CROCC: variants seen among roughly 807,000 people sequenced by gnomAD.
The protein encoded by CROCC is ciliary rootlet coiled-coil, rootletin.
Under a neutral mutation model 245.2 loss-of-function variants are expected in CROCC, and 180 were observed. The observed-to-expected ratio is 0.73, with a 90% CI of 0.65 to 0.83. The LOEUF (loss-of-function observed/expected upper bound fraction) is 0.83. Ranked by LOEUF, CROCC falls within the 40% of genes least tolerant of loss-of-function variation. The pLI is 0.00. For missense variants in CROCC, 2,688 were observed against 2,779.4 expected (o/e 0.97, Z 0.74); for synonymous variants, 1,205 against 1,241.6 (o/e 0.97, Z 0.62).
At chr1:16,934,593 A>G (rs1285211129) in intron 8 of CROCC, among the ~76,000 whole-genome samples, 5 of 152,268 alleles carry the variant, frequency 3.3e-5, no homozygotes, top group Admixed American at 3.3e-4. Flanking sequence ...ATGGCCCACC[A>G]TGCCTGGCCT....
In CROCC at chr1:16,968,423, G is replaced by T; in HGVS notation, c.5076+5G>T. On this transcript the variant is annotated splice_donor_5th_base_variant and intron_variant, in intron 31 of 36. Transcript: ENST00000375541. The stretch of plus-strand genomic sequence containing the variant: ...GTGGATTCCCTGCAGAGACAGGTGG[G>T]CCCCTCCCCAAATCACAGCCACAGT... 6.8e-7 allele frequency: 1 copy of T among 1,470,998 alleles called. No individual in the cohort carries two copies. The highest frequency in any genetic ancestry group is 9.0e-7 in the Non-Finnish European group (1 of 1,111,642). 91.1% of individuals were successfully genotyped at this position (1,470,998 alleles called of 1,614,324 possible).
At chr1:16,953,098 C>A in intron 20 of CROCC, 1 of 577,890 alleles carries the variant, frequency 1.7e-6, no homozygotes, top group Non-Finnish European at 3.1e-6. Flanking sequence ...GTTCGGACCC[C>A]CAGGCCAGCC....
intron 12 of CROCC, among the ~76,000 whole-genome samples, chr1:16,939,598 G>T (rs2075875941): frequency 6.6e-6 from 1 of 152,224 alleles, no homozygotes; most frequent in Non-Finnish European, 1.5e-5. Flanking sequence ...GGAGCCCTGG[G>T]GGTGGGATCA....
At chr1:16,918,763 G>A (rs1369210023), upstream of CROCC, among the ~76,000 whole-genome samples, 1 of 142,350 alleles carries the variant, frequency 7.0e-6, no homozygotes, top group African/African-American at 2.6e-5. Flanking sequence ...TTGAGACAGA[G>A]TCTCTCTCTG....
At chr1:16,931,269 C>G in intron 7 of CROCC, 22 bp from the exon 8 acceptor site, 1 of 1,597,688 alleles carries the variant, frequency 6.3e-7, no homozygotes. Flanking sequence ...CCAACCCTTC[C>G]CTCGGCATGT....
In CROCC at chr1:16,931,410, C is replaced by A. The variant is rs1444906975; in HGVS notation, c.956+13C>A. On this transcript the variant is annotated intron_variant, in intron 8 of 36. Coordinates refer to ENST00000375541, the MANE Select transcript of CROCC (RefSeq NM_014675.5). ...TGTTCACTGAGAGGTGAGGCCTGGC[C>A]GGGGACGGGGCAGCAGCTGAGAGCC... 24 of 1,604,228 alleles carry A rather than the reference C, an allele frequency of 1.5e-5. No homozygotes were observed. The highest frequency in any genetic ancestry group is 1.9e-5 in the Non-Finnish European group (22 of 1,172,480).
At chr1:16,940,210 G>T in intron 13 of CROCC, 117 bp downstream of exon 13, 1 of 1,109,496 alleles carries the variant, frequency 9.0e-7, no homozygotes. Flanking sequence ...AGCTGCATGT[G>T]CCTATTAACG....
intron 32 of CROCC, 104 bp from the exon 33 acceptor site, chr1:16,969,681 T>A (rs1215883647): frequency 6.8e-7 from 1 of 1,474,972 alleles, no homozygotes; most frequent in African/African-American, 1.4e-5. Flanking sequence ...CCAGGTGAGA[T>A]GACTGCCTGT....
rs1267484882 is a variant in CROCC at position 16,924,349 on chromosome 1, C to T, written c.221C>T (p.Ala74Val). 3.1e-6 allele frequency: 5 copies of T among 1,612,950 alleles called. No individual in the cohort carries two copies. Among genetic ancestry groups the T allele is most frequent in the Non-Finnish European group, 3.4e-6 (4 of 1,179,794 alleles). The change falls in exon 3 of 37, where the codon GCA (alanine) becomes GTA (valine). Residue 74 changes from alanine (A) to valine (V), a missense_variant. Ala to Val is a moderately conservative substitution (Grantham distance 64). Around this residue, in one of 9 missense-constraint regions of CROCC, gnomAD observed 972 missense variants for 895.3 expected, o/e 1.09. Transcript: ENST00000375541. ...SPVLLPATEM[A>V]SLLSLQEENQ... ...GTCCTGCTGCCGGCCACAGAGATGG[C>T]ATCGCTGCTGTCGCTGCAGGAGGAG...
chr1:16,924,231 C>T (rs1340220395), intron 2 of CROCC, 94 bp from the exon 3 acceptor site: 23 of 1,492,094 alleles, frequency 1.5e-5, no homozygotes, highest in Middle Eastern at 2.3e-4. Flanking sequence ...TGGACTCCTC[C>T]CAGGGGCCTG....
rs1263100553 is a variant in CROCC, at chr1:16,946,922, G to A, written c.2445G>A (p.Gln815=). The A allele has an allele frequency of 2.6e-6, 4 of 1,563,172 alleles. No homozygotes were observed. The highest frequency in any genetic ancestry group is 1.7e-4 in the Middle Eastern group (1 of 5,890). Residue 815 remains glutamine (Q), a synonymous_variant, in exon 17 of 37, where the codon CAG becomes CAA. Transcript: ENST00000375541. The part of the protein sequence containing the change: ...EGSLRVAEQA[Q]EALEQQLPTL... ...CCCTACGAGTGGCGGAGCAGGCCCAGGAGGCATTGGAGCAGCAGCTCCCCA... is the reference window on the plus strand; with the variant it reads ...CCCTACGAGTGGCGGAGCAGGCCCAAGAGGCATTGGAGCAGCAGCTCCCCA...
chr1:16,932,396 C>T (rs1386085950), intron 8 of CROCC, among the ~76,000 whole-genome samples: 5 of 152,234 alleles, frequency 3.3e-5, no homozygotes, highest in Admixed American at 1.3e-4. Flanking sequence ...GCCGAGATCT[C>T]GCCATTGTAC....
At chr1:16,947,837 TTTGTTG>T (rs1473146994) in intron 17 of CROCC, among the ~76,000 whole-genome samples, 2 of 152,212 alleles carry the variant, frequency 1.3e-5, no homozygotes, top group Non-Finnish European at 2.9e-5. Context: ...TTGTTTTGTT[TTTGTTG>T]TTGTTTTTTT....
At chr1:16,935,418 T>G (rs2075766992) in intron 8 of CROCC, among the ~76,000 whole-genome samples, 1 of 152,174 alleles carries the variant, frequency 6.6e-6, no homozygotes, top group South Asian at 2.1e-4. Flanking sequence ...CTGGTTTTTT[T>G]GTTTTGTTTT....
rs1011614405 is a variant in CROCC, at chr1:16,971,655, G to C, written c.5967+8G>C. ...CGTGGGCTGGAGGAGCAGGTGTGCA[G>C]GCCCCCTTAGAAGGCTGGGCCAGGA... is the stretch of plus-strand genomic sequence containing the variant. On this transcript the variant is annotated splice_region_variant and intron_variant, in intron 36 of 36. Coordinates refer to ENST00000375541, the MANE Select transcript of CROCC (RefSeq NM_014675.5). 2 of 1,476,900 alleles carry C rather than the reference G, an allele frequency of 1.4e-6. No individual in the cohort carries two copies. Among genetic ancestry groups the C allele is most frequent in the Admixed American group, 2.3e-5 (1 of 44,418 alleles). The allele number at this position is 1,476,900 out of a possible 1,614,324, so 91.5% of individuals were successfully genotyped here.
intron 35 of CROCC, 85 bp from the exon 36 acceptor site, chr1:16,971,380 C>A: frequency 6.9e-7 from 1 of 1,445,518 alleles, no homozygotes; most frequent in Non-Finnish European, 9.1e-7. Flanking sequence ...CTGGCCGTGT[C>A]CCAGGGAGGT....
intron 2 of CROCC, among the ~76,000 whole-genome samples, chr1:16,923,665 C>G (rs1353908429): frequency 1.4e-5 from 2 of 145,476 alleles, no homozygotes; most frequent in Admixed American, 1.4e-4. Flanking sequence ...CTGGTTACTA[C>G]TATTCTACCT....
At position 16,967,215 on chromosome 1, in the gene CROCC, C is replaced by T. The variant is rs540126630; in HGVS notation, c.4860+644C>T. ...TTATCACAGGTGGTACTCAGGGGGC[C>T]TCTGTTTTATGTCTCTGTAGTTCTG... On this transcript the variant is annotated intron_variant, in intron 30 of 36. Coordinates refer to ENST00000375541, the MANE Select transcript of CROCC (RefSeq NM_014675.5). 3.3e-5 allele frequency among the ~76,000 whole-genome samples: 5 copies of T among 152,244 alleles called. No individual in the cohort carries two copies. In the East Asian group the frequency reaches 9.6e-4, roughly 29 times the overall value.
chr1:16,928,660 A>G (rs190264555), intron 3 of CROCC, among the ~76,000 whole-genome samples: 345 of 151,736 alleles, frequency 2.3e-3, no homozygotes, highest in African/African-American at 8.1e-3. Context: ...AAAATTAGCC[A>G]GGTGTGGTGG....
Sources: allele counts gnomAD v4.1 joint callset (sites outside exome capture counted in the v4.1 genomes callset), GRCh38; gene constraint gnomAD v4.1.1; regional missense constraint gnomAD v4.1.1; transcripts MANE v1.5; gene names NCBI Gene and HGNC (gene_info 2026-07-23, HGNC 2026-07-21).